BEST2: variants seen among roughly 807,000 people sequenced by gnomAD.
BEST2 encodes the protein bestrophin-2a.
Under a neutral mutation model 49.0 loss-of-function variants are expected in BEST2, and 36 were observed. The ratio of observed to expected loss-of-function variants is 0.73; its 90% CI spans 0.56 to 0.97. The LOEUF (loss-of-function observed/expected upper bound fraction) is 0.97. Ranked by LOEUF, BEST2 falls within the 50% of genes least tolerant of loss-of-function variation. The pLI, the probability that BEST2 is intolerant of heterozygous loss-of-function variation, is 0.00. For synonymous variants in BEST2, 335 were observed against 304.4 expected (o/e 1.10, Z -1.05); for missense variants, 672 against 710.0 (o/e 0.95, Z 0.61).
chr19:12,758,156 G>A lies in BEST2; in HGVS notation c.*79G>A. ...CACGCAGGTGTCCCGGTCTGCATAAGCCTCGTGTGCCTTTGTAAAGTCCAC... is the reference window on the plus strand; with the variant it reads ...CACGCAGGTGTCCCGGTCTGCATAAACCTCGTGTGCCTTTGTAAAGTCCAC... On this transcript the variant is annotated 3_prime_UTR_variant, in exon 10 of 10. Coordinates refer to ENST00000553030, the MANE Select transcript of BEST2 (RefSeq NM_017682.3). 3 of 1,477,260 alleles carry A rather than the reference G, an allele frequency of 2.0e-6. No individual in the cohort carries two copies. Among genetic ancestry groups the A allele is most frequent in the Non-Finnish European group, 1.8e-6 (2 of 1,091,178 alleles). 91.5% of individuals were successfully genotyped at this position (1,477,260 alleles called of 1,614,324 possible).
rs1304947735 is a variant in BEST2 at position 12,757,930 on chromosome 19, G to C, written c.1383G>C (p.Glu461Asp). The change falls in exon 10 of 10, where the codon GAG becomes GAC. Residue 461 changes from glutamate to aspartate, a missense_variant. Glu to Asp is a conservative substitution (Grantham distance 45). Transcript: ENST00000553030. ...PLLDPGLPEP[E>D]APPPAGPEPL... ...TCGACCCCGGCCTGCCGGAGCCCGA[G>C]GCCCCGCCCCCTGCGGGTCCCGAAC... 1.3e-6 allele frequency: 2 copies of C among 1,573,562 alleles called. No homozygotes were observed. The highest frequency in any genetic ancestry group is 2.7e-5 in the African/African-American group (2 of 74,408).
At chr19:12,756,358 G>A in intron 9 of BEST2, 63 bp downstream of exon 9, 1 of 1,575,402 alleles carries the variant, frequency 6.3e-7, no homozygotes, top group South Asian at 1.1e-5. Context: ...GGGCACATCT[G>A]ATTGAAAAGG....
rs540852443 is a variant in BEST2, at chr19:12,754,520, C to T, written c.248-32C>T. 1.4e-5 allele frequency: 21 copies of T among 1,453,844 alleles called. 1 individual carries two copies. The South Asian group carries it at 2.8e-4, about 19-fold the overall frequency. The allele number at this position is 1,453,844 out of a possible 1,614,324, so 90.1% of individuals were successfully genotyped here. ...CCCCAAACCCCTGGCCCTGGTGTCC[C>T]CACTGAGCCCCCATTCCCCGCTCCC... is the stretch of plus-strand genomic sequence containing the variant. On this transcript the variant is annotated intron_variant, in intron 3 of 9. Transcript: ENST00000553030.
At position 12,755,921 on chromosome 19, in the gene BEST2, G is replaced by C. The variant is rs773372888; in HGVS notation, c.934G>C (p.Asp312His). The C allele has an allele frequency of 1.2e-6, 2 of 1,614,012 alleles. No homozygotes were observed. Among genetic ancestry groups the C allele is most frequent in the South Asian group, 1.1e-5 (1 of 91,066 alleles). ...DDDFETNFLIDRNFQVSMLAV... is the reference protein window; with the variant it reads ...DDDFETNFLIHRNFQVSMLAV... ...TGACTTTGAGACCAACTTTCTGATC[G>C]ATAGAAACTTCCAGGTGAGACTCAG... The change falls in exon 8 of 10, where the codon GAT becomes CAT. Residue 312 changes from aspartate to histidine, a missense_variant. Transcript: ENST00000553030. This position sits in a 1 kb window ranked among gnomAD's most constrained non-coding sequence, Gnocchi z 4.4.
At position 12,755,403 on chromosome 19, in the gene BEST2, T is replaced by C; in HGVS notation, c.661T>C (p.Cys221Arg). The C allele has an allele frequency of 6.2e-7, 1 of 1,614,120 alleles. No homozygotes were observed. Among genetic ancestry groups the C allele is most frequent in the African/African-American group, 1.3e-5 (1 of 75,020 alleles). ...LEELNVFRGK[C>R]GMLFHYDWIS... is the part of the protein sequence containing the mutation. ...GGAGCTGAATGTTTTTCGGGGCAAATGTGGAATGCTCTTTCACTATGACTG... is the reference window on the plus strand; with the variant it reads ...GGAGCTGAATGTTTTTCGGGGCAAACGTGGAATGCTCTTTCACTATGACTG... The change falls in exon 6 of 10, where the codon TGT (cysteine) becomes CGT (arginine). Residue 221 changes from cysteine to arginine, a missense_variant. This residue lies in a region of BEST2 where 365 missense variants were observed against 390.9 expected (regional missense o/e 0.93). Coordinates refer to ENST00000553030, the MANE Select transcript of BEST2 (RefSeq NM_017682.3). This position sits in a 1 kb window ranked among gnomAD's most constrained non-coding sequence, Gnocchi z 4.4.
Position 12,755,309 on chromosome 19 carries a change from C to T in BEST2, c.637-70C>T, listed in dbSNP as rs887737119. The stretch of plus-strand genomic sequence containing the variant: ...CAGGTGACCACCCACCTCCATCCCA[C>T]GTACCTACACTTAATATCCCTGTGT... On this transcript the variant is annotated intron_variant, in intron 5 of 9. Coordinates refer to ENST00000553030, the MANE Select transcript of BEST2 (RefSeq NM_017682.3). This position sits in a 1 kb window ranked among gnomAD's most constrained non-coding sequence, Gnocchi z 4.4. 77 of 1,515,558 alleles carry T rather than the reference C, an allele frequency of 5.1e-5. No individual in the cohort carries two copies. Among genetic ancestry groups the T allele is most frequent in the East Asian group, 4.5e-4 (20 of 44,306 alleles). The allele number at this position is 1,515,558 out of a possible 1,614,324, so 93.9% of individuals were successfully genotyped here.
Position 12,758,093 on chromosome 19 carries a change from C to A in BEST2, c.*16C>A. The A allele has an allele frequency of 6.2e-7, 1 of 1,610,730 alleles. No individual in the cohort carries two copies. The highest frequency in any genetic ancestry group is 1.7e-4 in the Middle Eastern group (1 of 6,044). ...TCTGGCCTGAGATCTTAGAGCCCAG[C>A]CCCCTAAGGACAGGGAACCAGGTCC... On this transcript the variant is annotated 3_prime_UTR_variant, in exon 10 of 10. Transcript: ENST00000553030.
Position 12,755,522 on chromosome 19 carries a change from A to G in BEST2, c.714+66A>G, listed in dbSNP as rs1382312050. The stretch of plus-strand genomic sequence containing the variant: ...CCCTGATGCCTGGTTTCCAAGGGGA[A>G]ACCAAGAACTAGCTAAGACCCCCAT... On this transcript the variant is annotated intron_variant, in intron 6 of 9. Coordinates refer to ENST00000553030, the MANE Select transcript of BEST2 (RefSeq NM_017682.3). The surrounding 1 kb of genome is among the most constrained non-coding windows in gnomAD (Gnocchi z 4.4). 1.9e-6 allele frequency: 3 copies of G among 1,610,362 alleles called. No individual in the cohort carries two copies. Among genetic ancestry groups the G allele is most frequent in the Admixed American group, 1.7e-5 (1 of 59,924 alleles).
chr19:12,758,126 G>A lies in BEST2; in HGVS notation c.*49G>A, dbSNP rs2145708289. 6.3e-6 allele frequency: 10 copies of A among 1,585,988 alleles called. No homozygotes were observed. Among genetic ancestry groups the A allele is most frequent in the Non-Finnish European group, 8.6e-6 (10 of 1,166,602 alleles). On this transcript the variant is annotated 3_prime_UTR_variant, in exon 10 of 10. Coordinates refer to ENST00000553030, the MANE Select transcript of BEST2 (RefSeq NM_017682.3). ...GGACAGGGAACCAGGTCCCTGCACGGCACCCACGCAGGTGTCCCGGTCTGC... is the reference window on the plus strand; with the variant it reads ...GGACAGGGAACCAGGTCCCTGCACGACACCCACGCAGGTGTCCCGGTCTGC...
At position 12,758,418 on chromosome 19, in the gene BEST2, A is replaced by G; in HGVS notation, c.*341A>G. ...AGAATGGCATTAAAGCATTTGGTAT[A>G]CAGTAGGTGCTCAATAAATTGCTAG... On this transcript the variant is annotated 3_prime_UTR_variant, in exon 10 of 10. Coordinates refer to ENST00000553030, the MANE Select transcript of BEST2 (RefSeq NM_017682.3). 1 of 342,788 alleles carries G rather than the reference A, an allele frequency of 2.9e-6. No individual in the cohort carries two copies. Among genetic ancestry groups the G allele is most frequent in the Non-Finnish European group, 5.3e-6 (1 of 188,642 alleles). 21.2% of individuals were successfully genotyped at this position (342,788 alleles called of 1,614,324 possible).
At chr19:12,756,482 C>A in intron 9 of BEST2, 187 bp downstream of exon 9, 1 of 777,812 alleles carries the variant, frequency 1.3e-6, no homozygotes, top group Non-Finnish European at 2.0e-6. Context: ...GACTGGGCCA[C>A]TGACTGGGGA....
intron 3 of BEST2, among the ~76,000 whole-genome samples, chr19:12,753,774 A>G (rs1312277272): frequency 6.6e-6 from 1 of 152,082 alleles, no homozygotes; most frequent in East Asian, 1.9e-4. Flanking sequence ...AAGTGACCCT[A>G]GCCTGCCCAA....
chr19:12,753,841 C>T (rs749670751), intron 3 of BEST2, among the ~76,000 whole-genome samples: 8 of 152,050 alleles, frequency 5.3e-5, no homozygotes, highest in Non-Finnish European at 4.4e-5. Context: ...GCTCAGGGGC[C>T]GGGTGTGGCT....
chr19:12,756,812 C>A, intron 9 of BEST2: 1 of 161,450 alleles, frequency 6.2e-6, no homozygotes, highest in Non-Finnish European at 1.4e-5. Context: ...CACCACTGCA[C>A]TCCAGCCTGG....
Position 12,756,213 on chromosome 19 carries a change from G to A in BEST2, c.1021G>A (p.Ala341Thr), listed in dbSNP as rs772126783. ...VLEKDLYWDA[A>T]EARAPYTAAT... ...GGAGAAGGACTTGTACTGGGATGCA[G>A]CCGAGGCTCGCGCCCCATACACAGC... Residue 341 changes from alanine to threonine, a missense_variant, in exon 9 of 10, where the codon GCC (alanine) becomes ACC (threonine). Coordinates refer to ENST00000553030, the MANE Select transcript of BEST2 (RefSeq NM_017682.3). 4.5e-5 allele frequency: 73 copies of A among 1,614,146 alleles called. No homozygotes were observed. The highest frequency in any genetic ancestry group is 1.6e-4 in the Middle Eastern group (1 of 6,084).
At position 12,758,239 on chromosome 19, in the gene BEST2, G is replaced by A. The variant is rs1315873900; in HGVS notation, c.*162G>A. 2 of 916,816 alleles carry A rather than the reference G, an allele frequency of 2.2e-6. No homozygotes were observed. Among genetic ancestry groups the A allele is most frequent in the Non-Finnish European group, 3.2e-6 (2 of 624,000 alleles). 56.8% of individuals were successfully genotyped at this position (916,816 alleles called of 1,614,324 possible). ...GTGTTTGGCGCTGTGCTAGGGGCGG[G>A]AGTTCTTCCAGACTCTTGGACCAGC... is the stretch of plus-strand genomic sequence containing the variant. On this transcript the variant is annotated 3_prime_UTR_variant, in exon 10 of 10. Coordinates refer to ENST00000553030, the MANE Select transcript of BEST2 (RefSeq NM_017682.3).
At chr19:12,753,547 GTGT>G (rs932241849) in intron 3 of BEST2, among the ~76,000 whole-genome samples, 193 bp downstream of exon 3, 2 of 151,732 alleles carry the variant, frequency 1.3e-5, no homozygotes, top group African/African-American at 4.8e-5. Context: ...GAGACCTGGG[GTGT>G]CACCTGGGGT....
In BEST2 at chr19:12,754,666, G is replaced by A. The variant is rs1407181245; in HGVS notation, c.362G>A (p.Gly121Asp). The change falls in exon 4 of 10, where the codon GGC (glycine) becomes GAC (aspartate). Residue 121 changes from glycine (G) to aspartate (D), a missense_variant. Gly to Asp is a moderately conservative substitution (Grantham distance 94). Transcript: ENST00000553030. ...ACCGTGCACGGACGCGACGACCGCG[G>A]CCGCCTCTACCGGCGCACACTCATG... ...AGTVHGRDDR[G>D]RLYRRTLMRY... is the part of the protein sequence containing the mutation. The A allele has an allele frequency of 4.5e-6, 7 of 1,564,280 alleles. No homozygotes were observed. In the South Asian group the frequency reaches 7.0e-5, roughly 16 times the overall value.
chr19:12,757,718 G>C lies in BEST2; in HGVS notation c.1171G>C (p.Gly391Arg). 4 of 1,545,678 alleles carry C rather than the reference G, an allele frequency of 2.6e-6. No individual in the cohort carries two copies. Among genetic ancestry groups the C allele is most frequent in the Non-Finnish European group, 2.6e-6 (3 of 1,148,292 alleles). The change falls in exon 10 of 10, where the codon GGC becomes CGC. Residue 391 changes from glycine (G) to arginine (R), a missense_variant. Gly to Arg is a moderately radical substitution (Grantham distance 125). Around this residue, in one of 3 missense-constraint regions of BEST2, gnomAD observed 291 missense variants for 279.8 expected, o/e 1.04. Transcript: ENST00000553030. Reference sequence around the variant, plus strand: ...GGATGGACCGATGGGAGAGGCGCCCGGCGACTTCCTGCAGCGCCTCCTGCC... The same window carrying C: ...GGATGGACCGATGGGAGAGGCGCCCCGCGACTTCCTGCAGCGCCTCCTGCC... ...GLDGPMGEAP[G>R]DFLQRLLPAG...
Sources: gnomAD v4.1 joint callset for allele counts (sites outside exome capture counted in the v4.1 genomes callset) on GRCh38, gnomAD v4.1.1 for gene constraint, gnomAD v4.1.1 regional missense constraint, Gnocchi (gnomAD v3.1) non-coding constraint, MANE v1.5 for transcripts, NCBI Gene and HGNC (gene_info 2026-07-23, HGNC 2026-07-21) for gene names.